The following EPHA5 variants were observed in gnomAD, a reference collection of about 807,000 sequenced individuals.
The protein encoded by EPHA5 is EPH receptor A5, also known as ephrin type-A receptor 5.
A neutral mutation model predicts 105.0 loss-of-function variants in EPHA5; 60 were observed. The observed-to-expected ratio is 0.57, with a 90% CI of 0.46 to 0.71. EPHA5 has a LOEUF of 0.71. Among genes scored for constraint, EPHA5 ranks in the 30% least tolerant of loss-of-function variants. EPHA5 has a pLI of 0.00. For synonymous variants in EPHA5, 513 were observed against 449.1 expected (o/e 1.14, Z -1.80); for missense variants, 1,218 against 1,274.7 (o/e 0.96, Z 0.68).
chr4:65,659,383 G>A (rs1445336924), intron 1 of EPHA5, among the ~76,000 whole-genome samples: 10 of 144,434 alleles, frequency 6.9e-5, no homozygotes, highest in East Asian at 2.0e-4. Context: ...CATAGATGCC[G>A]TGAATTGGAA....
At chr4:65,326,078 T>C (rs1720053532) in intron 16 of EPHA5, among the ~76,000 whole-genome samples, 1 of 149,150 alleles carries the variant, frequency 6.7e-6, no homozygotes, top group Admixed American at 6.8e-5. Context: ...ACATATAAAT[T>C]GGTGACACTT....
Position 65,659,011 on chromosome 4 carries a change from GA to G in EPHA5, c.181+10550del, listed in dbSNP as rs1234456980. 2.6e-5 allele frequency among the ~76,000 whole-genome samples: 4 copies of G among 151,958 alleles called. No homozygotes were observed. The East Asian group carries it at 7.7e-4, about 29-fold the overall frequency. On this transcript the variant is annotated intron_variant, in intron 1 of 16. Coordinates refer to ENST00000613740, the MANE Select transcript of EPHA5 (RefSeq NM_001281766.3). ...TAATATAACCTTGTATGTAAAGGAG[GA>G]AAAAAGCATCCAAAGGGTTGGCTTG...
At chr4:65,343,902 T>C (rs1447808241) in intron 14 of EPHA5, among the ~76,000 whole-genome samples, 5 of 152,148 alleles carry the variant, frequency 3.3e-5, no homozygotes, top group African/African-American at 7.2e-5. Flanking sequence ...AAGCAATTTC[T>C]AGTGTTTTTC....
At chr4:65,419,677 G>A (rs900184650) in intron 6 of EPHA5, among the ~76,000 whole-genome samples, 2 of 152,050 alleles carry the variant, frequency 1.3e-5, no homozygotes, top group African/African-American at 2.4e-5. Context: ...TGAATGGGGC[G>A]GGAGTAGTAG....
intron 2 of EPHA5, among the ~76,000 whole-genome samples, chr4:65,614,099 T>C (rs540239092): frequency 2.0e-5 from 3 of 152,094 alleles, no homozygotes; most frequent in Admixed American, 1.3e-4. Flanking sequence ...GTCTTCACAT[T>C]TATTATTCCT....
chr4:65,319,681 A>T lies in EPHA5; in HGVS notation c.*4433T>A, dbSNP rs999288132. On this transcript the variant is annotated 3_prime_UTR_variant, in exon 17 of 17. Transcript: ENST00000613740. ...AGATTCAAATGAGAAAAAATACAGAAATCCTAATCCTTCTTTGAATTAACT... is the reference window on the plus strand; with the variant it reads ...AGATTCAAATGAGAAAAAATACAGATATCCTAATCCTTCTTTGAATTAACT... 1.3e-5 allele frequency: 3 copies of T among 224,598 alleles called. No individual in the cohort carries two copies. Among genetic ancestry groups the T allele is most frequent in the African/African-American group, 6.7e-5 (3 of 44,918 alleles). The allele number at this position is 224,598 out of a possible 1,614,324, so 13.9% of individuals were successfully genotyped here.
chr4:65,506,198 C>T (rs984907364), intron 3 of EPHA5, among the ~76,000 whole-genome samples: 5 of 152,080 alleles, frequency 3.3e-5, no homozygotes, highest in African/African-American at 1.2e-4. Flanking sequence ...TTTATGGCTG[C>T]ATAGTATTCC....
rs183012709 is a variant in EPHA5 at position 65,346,576 on chromosome 4, C to T, written c.2595+1478G>A. 2.0e-5 allele frequency among the ~76,000 whole-genome samples: 3 copies of T among 151,840 alleles called. No homozygotes were observed. The East Asian group carries it at 5.8e-4, about 29-fold the overall frequency. Reference sequence around the variant, plus strand: ...TATTATTATATTTTAAGTTCTAGGACTTCATGACTAAAACACCAAAAGCAA... The same window carrying T: ...TATTATTATATTTTAAGTTCTAGGATTTCATGACTAAAACACCAAAAGCAA... On this transcript the variant is annotated intron_variant, in intron 14 of 16. Coordinates refer to ENST00000613740, the MANE Select transcript of EPHA5 (RefSeq NM_001281766.3).
intron 1 of EPHA5, among the ~76,000 whole-genome samples, chr4:65,663,510 T>G (rs1749716608): frequency 6.6e-6 from 1 of 152,074 alleles, no homozygotes; most frequent in Non-Finnish European, 1.5e-5. Context: ...TACTACAAAT[T>G]TCACCAGACA....
intron 2 of EPHA5, among the ~76,000 whole-genome samples, chr4:65,624,439 A>C (rs530953597): frequency 6.6e-6 from 1 of 152,274 alleles, no homozygotes; most frequent in Non-Finnish European, 1.5e-5. Context: ...GCCTACAGAC[A>C]GGGGCAAGAA....
At chr4:65,562,413 G>C (rs1739103813) in intron 3 of EPHA5, among the ~76,000 whole-genome samples, 1 of 151,752 alleles carries the variant, frequency 6.6e-6, no homozygotes, top group Admixed American at 6.6e-5. Context: ...AGACCTTTAG[G>C]TAAGCTTAAA....
chr4:65,386,346 G>A (rs762412130), intron 8 of EPHA5, among the ~76,000 whole-genome samples: 4 of 151,910 alleles, frequency 2.6e-5, no homozygotes, highest in Admixed American at 6.6e-5. Context: ...AAGCAACGAT[G>A]TTCTAGGTTG....
intron 1 of EPHA5, among the ~76,000 whole-genome samples, chr4:65,657,489 C>T (rs1347444983): frequency 6.6e-6 from 1 of 152,156 alleles, no homozygotes; most frequent in Non-Finnish European, 1.5e-5. Flanking sequence ...CTCAGTAGAA[C>T]TTTCTTCTCA....
chr4:65,527,576 A>G (rs1450334451), intron 3 of EPHA5, among the ~76,000 whole-genome samples: 2 of 152,094 alleles, frequency 1.3e-5, no homozygotes, highest in Non-Finnish European at 2.9e-5. Flanking sequence ...TTTAAATTAG[A>G]TCTATATTTT....
chr4:65,591,401 A>G (rs1268168971), intron 3 of EPHA5, among the ~76,000 whole-genome samples: 3 of 152,140 alleles, frequency 2.0e-5, no homozygotes, highest in Middle Eastern at 3.4e-3. Flanking sequence ...CTGATGAAAT[A>G]AAATTTAACT....
intron 4 of EPHA5, among the ~76,000 whole-genome samples, chr4:65,491,927 G>C (rs1731440531): frequency 6.6e-6 from 1 of 151,988 alleles, no homozygotes; most frequent in Admixed American, 6.6e-5. Flanking sequence ...TATATTATTG[G>C]ATAATCTCAA....
intron 5 of EPHA5, among the ~76,000 whole-genome samples, chr4:65,481,868 A>C (rs1206127973): frequency 6.6e-6 from 1 of 152,214 alleles, no homozygotes; most frequent in Non-Finnish European, 1.5e-5. Flanking sequence ...TACTTCTTCA[A>C]TTAGTTGACC....
chr4:65,503,400 A>G (rs1345499596), intron 3 of EPHA5, among the ~76,000 whole-genome samples: 1 of 151,852 alleles, frequency 6.6e-6, no homozygotes, highest in Non-Finnish European at 1.5e-5. Flanking sequence ...CTTGAATAAT[A>G]TCAAACAGAA....
chr4:65,365,811 A>T, intron 10 of EPHA5, 121 bp downstream of exon 10: 1 of 991,178 alleles, frequency 1.0e-6, no homozygotes, highest in Non-Finnish European at 1.5e-6. Flanking sequence ...GTTACATATC[A>T]CTTTGAATGC....
Sources: allele counts gnomAD v4.1 joint callset (sites outside exome capture counted in the v4.1 genomes callset), GRCh38; gene constraint gnomAD v4.1.1; transcripts MANE v1.5; gene names NCBI Gene and HGNC (gene_info 2026-07-23, HGNC 2026-07-21).